CTBP1: variants seen among roughly 807,000 people sequenced by gnomAD.
CTBP1 encodes C-terminal binding protein 1.
In CTBP1, 11 loss-of-function variants were observed where a neutral mutation model predicts 42.1. The observed-to-expected ratio is 0.26, with a 90% CI of 0.16 to 0.43. The LOEUF (loss-of-function observed/expected upper bound fraction) is 0.43. CTBP1 is among the 20% of genes least tolerant of loss of function. CTBP1 has a pLI of 1.00. For synonymous variants in CTBP1, 324 were observed against 277.1 expected (o/e 1.17, Z -1.68); for missense variants, 399 against 624.3 (o/e 0.64, Z 3.85).
Position 1,212,299 on chromosome 4 carries a change from A to C in CTBP1, c.1231T>G (p.Ser411Ala). Residue 411 changes from serine (S) to alanine (A), a missense_variant, in exon 10 of 10, where the codon TCT becomes GCT. This residue lies in a region of CTBP1 where 60 missense variants were observed against 46.5 expected (regional missense o/e 1.29). Transcript: ENST00000382952. ...TCGGGCTTGACGGTTTGGCCAGGAG[A>C]AGGGGCGTGGGGCGGGTGGGCCACA... is the stretch of plus-strand genomic sequence containing the variant. Reference protein sequence around the residue: ...PPVAHPPHAPSPGQTVKPEAD... With the variant: ...PPVAHPPHAPAPGQTVKPEAD... 6.7e-7 allele frequency: 1 copy of C among 1,496,156 alleles called. No homozygotes were observed. Among genetic ancestry groups the C allele is most frequent in the Non-Finnish European group, 9.0e-7 (1 of 1,116,876 alleles). The allele number at this position is 1,496,156 out of a possible 1,614,324, so 92.7% of individuals were successfully genotyped here.
intron 1 of CTBP1, chr4:1,245,453 C>T (rs1326690465): frequency 4.1e-6 from 4 of 985,236 alleles, no homozygotes; most frequent in East Asian, 1.1e-4. Context: ...CTACACACGA[C>T]ACCACTGGAG....
rs1409075825 is a variant in CTBP1 at position 1,235,626 on chromosome 4, G to A, written c.162+2557C>T. The A allele has an allele frequency of 1.3e-5, 2 of 152,198 alleles. No homozygotes were observed. Among genetic ancestry groups the A allele is most frequent in the East Asian group, 3.9e-4 (2 of 5,178 alleles). The allele number at this position is 152,198 out of a possible 1,614,324, so 9.4% of individuals were successfully genotyped here. On this transcript the variant is annotated intron_variant, in intron 3 of 9. Coordinates refer to ENST00000382952, the MANE Select transcript of CTBP1 (RefSeq NM_001012614.2). This position sits in a 1 kb window ranked among gnomAD's most constrained non-coding sequence, Gnocchi z 4.2. ...TAACGCTGCTACGCCCCGTTCCAGA[G>A]TCATCAGCTCTTCGTCGGTGTCTGG...
intron 1 of CTBP1, chr4:1,241,855 A>G (rs2101094): frequency 0.88 from 998,883 of 1,140,386 alleles, 439,965 homozygotes; most frequent in East Asian, 0.97. Context: ...GAACCAGGGG[A>G]CGGAGGGCAC....
intron 3 of CTBP1, chr4:1,236,526 C>T (rs1731510590): frequency 3.2e-6 from 2 of 621,052 alleles, no homozygotes; most frequent in South Asian, 3.6e-5. Context: ...AGCCACAGGG[C>T]AAACCCGGTG....
chr4:1,245,606 G>T, intron 1 of CTBP1: 9 of 980,294 alleles, frequency 9.2e-6, no homozygotes, highest in Non-Finnish European at 1.1e-5. Context: ...GGCACGGGAG[G>T]GCAGGGTGAC....
intron 4 of CTBP1, among the ~76,000 whole-genome samples, chr4:1,225,789 A>C (rs1730273079): frequency 6.6e-6 from 1 of 152,178 alleles, no homozygotes; most frequent in Non-Finnish European, 1.5e-5. Context: ...TTCACGTGGC[A>C]GCACACACAC....
At position 1,212,298 on chromosome 4, in the gene CTBP1, G is replaced by A; in HGVS notation, c.1232C>T (p.Ser411Phe). ...CTCGGGCTTGACGGTTTGGCCAGGA[G>A]AAGGGGCGTGGGGCGGGTGGGCCAC... The part of the protein sequence containing the change: ...PPVAHPPHAP[S>F]PGQTVKPEAD... The change falls in exon 10 of 10, where the codon TCT (serine) becomes TTT (phenylalanine). Residue 411 changes from serine to phenylalanine, a missense_variant. Around this residue, in one of 4 missense-constraint regions of CTBP1, gnomAD observed 60 missense variants for 46.5 expected, o/e 1.29. Transcript: ENST00000382952. The A allele has an allele frequency of 7.5e-7, 1 of 1,336,558 alleles. No homozygotes were observed. The highest frequency in any genetic ancestry group is 2.3e-5 in the Admixed American group (1 of 43,332). 82.8% of individuals were successfully genotyped at this position (1,336,558 alleles called of 1,614,324 possible).
rs141596449 is a variant in CTBP1 at position 1,239,191 on chromosome 4, C to T, written c.8-854G>A. 3.6e-3 allele frequency among the ~76,000 whole-genome samples: 546 copies of T among 152,348 alleles called. 3 individuals are homozygous for T. Among genetic ancestry groups the T allele is most frequent in the African/African-American group, 0.012 (494 of 41,578 alleles). On this transcript the variant is annotated intron_variant, in intron 2 of 9. Coordinates refer to ENST00000382952, the MANE Select transcript of CTBP1 (RefSeq NM_001012614.2). ...CGCAACTAAGCCTCATCGGGGCCAA[C>T]TGGAGAAATAAGGGCTCTGAGGCGT... is the stretch of plus-strand genomic sequence containing the variant.
intron 3 of CTBP1, among the ~76,000 whole-genome samples, chr4:1,230,954 T>G (rs575166491): frequency 6.6e-6 from 1 of 152,382 alleles, no homozygotes; most frequent in Non-Finnish European, 1.5e-5. Context: ...CTTTCATCAC[T>G]TGCCTGTGCA....
chr4:1,228,855 G>A lies in CTBP1; in HGVS notation c.163-512C>T, dbSNP rs554861633. ...CCCCGCGGCACACAAGCACGTCGGC[G>A]GAGGCAGGCAGACGCCACCCAGCCG... On this transcript the variant is annotated intron_variant, in intron 3 of 9. Transcript: ENST00000382952. 7.2e-5 allele frequency among the ~76,000 whole-genome samples: 11 copies of A among 152,324 alleles called. No homozygotes were observed. The South Asian group carries it at 8.3e-4, about 11-fold the overall frequency.
At chr4:1,228,824 G>T (rs1259987438) in intron 3 of CTBP1, among the ~76,000 whole-genome samples, 3 of 152,288 alleles carry the variant, frequency 2.0e-5, no homozygotes, top group South Asian at 2.1e-4. Flanking sequence ...GTAGAAAGTG[G>T]TAAGTCCCCG....
In CTBP1 at chr4:1,238,123, G is replaced by A. The variant is rs370349402; in HGVS notation, c.162+60C>T. ...TGTGGCCCGGGCCTGCCGTGCTCCC[G>A]TCCCTCCAACTCCCCCCAACGTGCG... On this transcript the variant is annotated intron_variant, in intron 3 of 9. Transcript: ENST00000382952. This position sits in a 1 kb window ranked among gnomAD's most constrained non-coding sequence, Gnocchi z 5.9. 135 of 1,607,806 alleles carry A rather than the reference G, an allele frequency of 8.4e-5. No individual in the cohort carries two copies. In the East Asian group the frequency reaches 9.8e-4, roughly 12 times the overall value.
intron 7 of CTBP1, 125 bp downstream of exon 7, chr4:1,214,218 T>C: frequency 7.8e-7 from 1 of 1,282,010 alleles, no homozygotes; most frequent in Non-Finnish European, 1.0e-6. Flanking sequence ...ACTCCCCCAC[T>C]GCTGGCCAGC....
chr4:1,223,163 A>C (rs2020137), intron 5 of CTBP1, among the ~76,000 whole-genome samples: 117,963 of 151,618 alleles, frequency 0.78, 46,984 homozygotes, highest in South Asian at 0.91. Flanking sequence ...CCTCTGCCCC[A>C]ACCTGGGCTT....
intron 5 of CTBP1, chr4:1,221,573 G>C (rs1022625909): frequency 1.1e-4 from 21 of 183,174 alleles, no homozygotes; most frequent in African/African-American, 5.0e-4. Context: ...GAAACTGCTG[G>C]GTCGTATGAA....
At chr4:1,213,087 G>T in intron 8 of CTBP1, 57 bp from the exon 9 acceptor site, 1 of 1,451,790 alleles carries the variant, frequency 6.9e-7, no homozygotes, top group Non-Finnish European at 9.6e-7. Context: ...CAGGAGCGTG[G>T]CCCACTGGGT....
At chr4:1,215,961 G>A (rs763104103) in intron 6 of CTBP1, 30 bp downstream of exon 6, 16 of 1,582,958 alleles carry the variant, frequency 1.0e-5, no homozygotes, top group South Asian at 4.6e-5. Flanking sequence ...CCCCGCAGAA[G>A]TAGAGTCCTG....
chr4:1,237,254 C>A, intron 3 of CTBP1: 1 of 670,048 alleles, frequency 1.5e-6, no homozygotes, highest in South Asian at 1.6e-5. Context: ...CAGGACAAAC[C>A]GAGTGTCCAC....
At chr4:1,241,208 C>T in intron 2 of CTBP1, 117 bp downstream of exon 2, 2 of 770,204 alleles carry the variant, frequency 2.6e-6, no homozygotes, top group Non-Finnish European at 4.8e-6. Flanking sequence ...AGCAGTCCGG[C>T]CCGACGCCCA....
Sources: gnomAD v4.1 joint callset for allele counts (sites outside exome capture counted in the v4.1 genomes callset) on GRCh38, gnomAD v4.1.1 for gene constraint, gnomAD v4.1.1 regional missense constraint, Gnocchi (gnomAD v3.1) non-coding constraint, MANE v1.5 for transcripts, NCBI Gene and HGNC (gene_info 2026-07-23, HGNC 2026-07-21) for gene names.